CDK6: variants seen among roughly 807,000 people sequenced by gnomAD.
CDK6 encodes cyclin-dependent kinase 6.
A neutral mutation model predicts 37.1 loss-of-function variants in CDK6; 6 were observed. The ratio of observed to expected loss-of-function variants is 0.16; its 90% CI spans 0.09 to 0.32. The LOEUF (loss-of-function observed/expected upper bound fraction) is 0.32, where lower values mean the gene tolerates loss of function less well. CDK6 is among the 10% of genes least tolerant of loss of function. CDK6 has a pLI of 1.00. For missense variants in CDK6, 224 were observed against 418.9 expected (o/e 0.53, Z 4.06); for synonymous variants, 160 against 161.3 (o/e 0.99, Z 0.06).
intron 5 of CDK6, among the ~76,000 whole-genome samples, chr7:92,645,057 C>A: frequency 6.6e-6 from 1 of 152,320 alleles, no homozygotes; most frequent in Admixed American, 6.5e-5. Context: ...TTCACCCCCA[C>A]ACGCAAAAGC....
chr7:92,706,677 G>A (rs988069579), intron 4 of CDK6, among the ~76,000 whole-genome samples: 2 of 152,142 alleles, frequency 1.3e-5, no homozygotes, highest in Non-Finnish European at 2.9e-5. Context: ...AAGGAACAAA[G>A]ACTGAAGAAA....
At chr7:92,712,843 T>C (rs1798129380) in intron 4 of CDK6, among the ~76,000 whole-genome samples, 2 of 143,344 alleles carry the variant, frequency 1.4e-5, no homozygotes, top group African/African-American at 5.2e-5. Flanking sequence ...CCTATGTATG[T>C]ATGTATGTAT....
chr7:92,685,589 C>A (rs1797432168), intron 4 of CDK6, among the ~76,000 whole-genome samples: 1 of 152,172 alleles, frequency 6.6e-6, no homozygotes, highest in Admixed American at 6.6e-5. Context: ...AAATATTCCA[C>A]AAAAATTATA....
intron 4 of CDK6, among the ~76,000 whole-genome samples, chr7:92,720,743 C>T (rs1798346937): frequency 6.6e-6 from 1 of 152,248 alleles, no homozygotes; most frequent in East Asian, 1.9e-4. Flanking sequence ...TGGCTGGTCT[C>T]TTTTTCCCTT....
chr7:92,617,932 G>A (rs750542616), intron 7 of CDK6, 140 bp downstream of exon 7: 1 of 703,178 alleles, frequency 1.4e-6, no homozygotes, highest in Non-Finnish European at 2.2e-6. Flanking sequence ...TGGAGGGACT[G>A]TTGCCTCCTG....
chr7:92,649,587 T>C (rs765344100), intron 5 of CDK6, among the ~76,000 whole-genome samples: 2 of 152,254 alleles, frequency 1.3e-5, no homozygotes, highest in African/African-American at 2.4e-5. Flanking sequence ...ATTGATGTGC[T>C]ACAATGCCAT....
chr7:92,633,228 G>GA (rs1796094096), intron 5 of CDK6, among the ~76,000 whole-genome samples: 1 of 152,080 alleles, frequency 6.6e-6, no homozygotes, highest in African/African-American at 2.4e-5. Context: ...TATCCTGTCT[G>GA]AATATAATAT....
rs1585387365 is a variant in CDK6, at chr7:92,672,346, A to C, written c.538-811T>G. Reference sequence around the variant, plus strand: ...TTACCGTGACAGCTTGGGGAATCAAAGTAAAACCCCTCTCCATGATGCTCT... The same window carrying C: ...TTACCGTGACAGCTTGGGGAATCAACGTAAAACCCCTCTCCATGATGCTCT... On this transcript the variant is annotated intron_variant, in intron 4 of 7. Transcript: ENST00000424848. Among the ~76,000 whole-genome samples, 3 of 151,444 alleles carry C rather than the reference A, an allele frequency of 2.0e-5. No individual in the cohort carries two copies. In the East Asian group the frequency reaches 5.8e-4, roughly 29 times the overall value.
intron 3 of CDK6, among the ~76,000 whole-genome samples, chr7:92,734,986 G>A (rs1309438226): frequency 6.6e-6 from 1 of 152,170 alleles, no homozygotes; most frequent in Non-Finnish European, 1.5e-5. Flanking sequence ...GCTTGGGGTA[G>A]GACTAGCTTA....
chr7:92,643,857 GA>G (rs1796376765), intron 5 of CDK6, among the ~76,000 whole-genome samples: 1 of 152,206 alleles, frequency 6.6e-6, no homozygotes, highest in Non-Finnish European at 1.5e-5. Flanking sequence ...AATCCCTTTA[GA>G]ATCAGGGATA....
chr7:92,829,618 A>G (rs1364542710), intron 2 of CDK6, among the ~76,000 whole-genome samples: 4 of 152,160 alleles, frequency 2.6e-5, no homozygotes, highest in Non-Finnish European at 4.4e-5. Flanking sequence ...GAATAAATGG[A>G]GCTCAAATGT....
chr7:92,774,265 T>C (rs1200709555), intron 3 of CDK6, among the ~76,000 whole-genome samples: 4 of 152,142 alleles, frequency 2.6e-5, no homozygotes, highest in African/African-American at 9.7e-5. Context: ...ATAGCATAGG[T>C]TGTCCCGGAG....
chr7:92,637,794 G>A (rs1318177004), intron 5 of CDK6, among the ~76,000 whole-genome samples: 1 of 151,936 alleles, frequency 6.6e-6, no homozygotes, highest in Non-Finnish European at 1.5e-5. Flanking sequence ...CCAACGACAA[G>A]GCCAATGGTA....
In CDK6 at chr7:92,615,085, C is replaced by A. The variant is rs929827849; in HGVS notation, c.*55G>T. 5.6e-5 allele frequency: 89 copies of A among 1,596,082 alleles called. No homozygotes were observed. The South Asian group carries it at 8.3e-4, about 15-fold the overall frequency. The stretch of plus-strand genomic sequence containing the variant: ...TCTGTAGGGCTTGCTGAGGGGGACC[C>A]ATAAGCCACCAAGGGTGTTCTCCGC... On this transcript the variant is annotated 3_prime_UTR_variant, in exon 8 of 8. Coordinates refer to ENST00000424848, the MANE Select transcript of CDK6 (RefSeq NM_001145306.2).
chr7:92,760,608 A>C (rs1423975518), intron 3 of CDK6, among the ~76,000 whole-genome samples: 1 of 152,188 alleles, frequency 6.6e-6, no homozygotes, highest in East Asian at 1.9e-4. Flanking sequence ...GGGCAAAACC[A>C]GTCAATTATT....
At chr7:92,784,149 A>T (rs1800065573) in intron 2 of CDK6, among the ~76,000 whole-genome samples, 1 of 152,160 alleles carries the variant, frequency 6.6e-6, no homozygotes, top group Non-Finnish European at 1.5e-5. Context: ...TCTTGCAGGG[A>T]AGAGAATGGT....
chr7:92,731,798 T>C (rs946455913), intron 3 of CDK6, among the ~76,000 whole-genome samples: 2 of 151,334 alleles, frequency 1.3e-5, no homozygotes, highest in Non-Finnish European at 2.9e-5. Flanking sequence ...CCTGAAAATG[T>C]TGGTGTTTGA....
intron 5 of CDK6, among the ~76,000 whole-genome samples, chr7:92,628,332 T>C (rs543286347): frequency 6.6e-6 from 1 of 151,902 alleles, no homozygotes; most frequent in African/African-American, 2.4e-5. Context: ...ACACTGCACA[T>C]ATATGATCTG....
At chr7:92,629,970 T>TCA (rs1796016140) in intron 5 of CDK6, among the ~76,000 whole-genome samples, 4 of 152,046 alleles carry the variant, frequency 2.6e-5, no homozygotes, top group Admixed American at 2.6e-4. Flanking sequence ...ACTAATCCAA[T>TCA]CATGGGAGCC....
Sources: gnomAD v4.1 joint callset for allele counts (sites outside exome capture counted in the v4.1 genomes callset) on GRCh38, gnomAD v4.1.1 for gene constraint, MANE v1.5 for transcripts, NCBI Gene and HGNC (gene_info 2026-07-23, HGNC 2026-07-21) for gene names.